Variants in EML1 observed in about 807,000 individuals in gnomAD.
EML1 encodes EMAP like 1, also known as echinoderm microtubule-associated protein-like 1.
Under a neutral mutation model 110.4 loss-of-function variants are expected in EML1, and 27 were observed. The observed-to-expected ratio is 0.24, with a 90% CI of 0.18 to 0.34. The LOEUF is 0.34. EML1 is among the 10% of genes least tolerant of loss of function. The pLI is 1.00. For synonymous variants in EML1, 344 were observed against 385.8 expected, an observed-to-expected ratio of 0.89 and a Z score of 1.27; for missense variants, 741 against 1,030.9, an observed-to-expected ratio of 0.72 and a Z score of 3.85.
intron 7 of EML1, 21 bp from the exon 8 acceptor site, chr14:99,898,212 T>A (rs1254875209): frequency 1.6e-5 from 25 of 1,569,860 alleles, no homozygotes; most frequent in Non-Finnish European, 2.2e-5. Flanking sequence ...TGTAGATGTT[T>A]TGTAAATATC....
chr14:99,751,871 T>C (rs983906404), intron 1 of EML1, among the ~76,000 whole-genome samples: 2 of 151,850 alleles, frequency 1.3e-5, no homozygotes, highest in African/African-American at 4.8e-5. Flanking sequence ...AGGATATTGG[T>C]ATTGACCCTG....
upstream of EML1, among the ~76,000 whole-genome samples, chr14:99,769,159 T>C (rs374909790): frequency 1.4e-3 from 207 of 152,336 alleles, 3 homozygotes; most frequent in African/African-American, 4.6e-3. Flanking sequence ...GAAGGCTCCC[T>C]GTCTGGTCCT....
intron 2 of EML1, among the ~76,000 whole-genome samples, chr14:99,857,104 T>A (rs1566901385): frequency 6.6e-6 from 1 of 152,042 alleles, no homozygotes; most frequent in African/African-American, 2.4e-5. Context: ...AAACCCCACC[T>A]CTACAAAAAA....
chr14:99,939,999 A>G lies in EML1; in HGVS notation c.2335A>G (p.Ile779Val). The G allele has an allele frequency of 6.3e-7, 1 of 1,591,056 alleles. No individual in the cohort carries two copies. The highest frequency in any genetic ancestry group is 2.3e-5 in the East Asian group (1 of 44,032). Residue 779 changes from isoleucine to valine, a missense_variant, in exon 22 of 22, where the codon ATC (isoleucine) becomes GTC (valine). Coordinates refer to ENST00000262233, the MANE Select transcript of EML1 (RefSeq NM_004434.3). The surrounding 1 kb of genome is among the most constrained non-coding windows in gnomAD (Gnocchi z 4.2). ...TCATTCCCTCCAGGCTCCAAGCCAC[A>G]TCTACGGCGGGCACAGCAGCCATGT... The part of the protein sequence containing the change: ...PCSQFRAPSH[I>V]YGGHSSHVTN...
rs192212280 is a variant in EML1, at chr14:99,797,462, T to C, written c.67+3919T>C. 5.3e-5 allele frequency among the ~76,000 whole-genome samples: 8 copies of C among 152,328 alleles called. No individual in the cohort carries two copies. In the East Asian group the frequency reaches 1.2e-3, roughly 22 times the overall value. ...TGTTTTCATTTCTCTTGGGCAGATA[T>C]CTAGGAGCAGAATTGCTAGGTCATA... On this transcript the variant is annotated intron_variant, in intron 1 of 21. Transcript: ENST00000262233.
intron 6 of EML1, among the ~76,000 whole-genome samples, chr14:99,896,386 A>G (rs1002844879): frequency 1.3e-5 from 2 of 151,958 alleles, no homozygotes; most frequent in Middle Eastern, 3.2e-3. Flanking sequence ...TTCAAATGTC[A>G]TAGGCATTTA....
At chr14:99,755,921 G>A (rs1001504415) in intron 1 of EML1, among the ~76,000 whole-genome samples, 6 of 152,142 alleles carry the variant, frequency 3.9e-5, no homozygotes, top group African/African-American at 1.4e-4. Context: ...CTACTTCACA[G>A]GCGAGGAACC....
intron 3 of EML1, among the ~76,000 whole-genome samples, chr14:99,875,403 A>T (rs1595415193): frequency 6.6e-6 from 1 of 152,220 alleles, no homozygotes; most frequent in African/African-American, 2.4e-5. Flanking sequence ...TATGCCTTAA[A>T]CGTTAACTGT....
intron 1 of EML1, among the ~76,000 whole-genome samples, chr14:99,742,149 C>T (rs764212917): frequency 3.4e-4 from 51 of 152,176 alleles, no homozygotes; most frequent in Non-Finnish European, 6.6e-4. Flanking sequence ...AAGGGCTGGG[C>T]CTGCCTGGGT....
At chr14:99,866,051 G>A (rs2139886095) in intron 3 of EML1, among the ~76,000 whole-genome samples, 1 of 152,302 alleles carries the variant, frequency 6.6e-6, no homozygotes, top group South Asian at 2.1e-4. Flanking sequence ...CTTTCAAAAT[G>A]TACCCAACAA....
intron 10 of EML1, 30 bp downstream of exon 10, chr14:99,907,763 T>C (rs1233847250): frequency 1.9e-6 from 3 of 1,611,062 alleles, no homozygotes; most frequent in Non-Finnish European, 2.5e-6. Flanking sequence ...TTGGGCTGCA[T>C]TAACATTTTC....
chr14:99,772,825 A>T (rs981685083), upstream of EML1: 3 of 152,210 alleles, frequency 2.0e-5, no homozygotes, highest in Non-Finnish European at 2.9e-5. Context: ...ATTTTATGAC[A>T]CATTAGTGGG....
intron 1 of EML1, among the ~76,000 whole-genome samples, chr14:99,777,003 C>CTT (rs1316574996): frequency 1.3e-5 from 2 of 152,160 alleles, no homozygotes; most frequent in Non-Finnish European, 2.9e-5. Flanking sequence ...GCACATACAG[C>CTT]TTTAACCTCC....
intron 1 of EML1, among the ~76,000 whole-genome samples, chr14:99,817,828 G>A (rs994290457): frequency 2.0e-5 from 3 of 152,156 alleles, no homozygotes; most frequent in Non-Finnish European, 2.9e-5. Context: ...AAACCTTCTC[G>A]TAAGTGCCAT....
rs368044152 is a variant in EML1, at chr14:99,796,936, T to TGTGAGAGA, written c.67+3394_67+3395insTGAGAGAG. Reference sequence around the variant, plus strand: ...GTGTGTGTGTGTGTGTGTGTGTGTGTGAGAGAGTAATAGCTTTATTGAAAT... The same window carrying TGTGAGAGA: ...GTGTGTGTGTGTGTGTGTGTGTGTGTGTGAGAGAGAGAGAGTAATAGCTTTATTGAAAT... On this transcript the variant is annotated intron_variant, in intron 1 of 21. Transcript: ENST00000262233. Among the ~76,000 whole-genome samples the TGTGAGAGA allele has an allele frequency of 4.4e-3, 654 of 150,130 alleles. 5 individuals are homozygous for TGTGAGAGA. The highest frequency in any genetic ancestry group is 0.025 in the South Asian group (119 of 4,718).
At position 99,940,728 on chromosome 14, in the gene EML1, C is replaced by T. The variant is rs2140146330; in HGVS notation, c.*616C>T. ...CTAAGCAGACTCTACTCCTAACTGA[C>T]TTCAATATTTCAGCAGGGTACACAG... On this transcript the variant is annotated 3_prime_UTR_variant, in exon 22 of 22. Transcript: ENST00000262233. 6.6e-6 allele frequency: 1 copy of T among 152,322 alleles called. No homozygotes were observed. Among genetic ancestry groups the T allele is most frequent in the East Asian group, 1.9e-4 (1 of 5,180 alleles). The allele number at this position is 152,322 out of a possible 1,614,324, so 9.4% of individuals were successfully genotyped here.
intron 1 of EML1, among the ~76,000 whole-genome samples, chr14:99,828,025 A>G (rs1327376545): frequency 6.6e-6 from 1 of 152,148 alleles, no homozygotes; most frequent in Non-Finnish European, 1.5e-5. Context: ...ATCTCAGGTC[A>G]TTTCATAGAT....
chr14:99,826,102 TTGA>T (rs2058347143), intron 1 of EML1, among the ~76,000 whole-genome samples: 1 of 146,454 alleles, frequency 6.8e-6, no homozygotes, highest in African/African-American at 2.6e-5. Flanking sequence ...CTTCTGTGCA[TTGA>T]TTTTTTTTTT....
At position 99,866,399 on chromosome 14, in the gene EML1, A is replaced by G. The variant is rs181563785; in HGVS notation, c.383+753A>G. 7.2e-5 allele frequency among the ~76,000 whole-genome samples: 11 copies of G among 152,224 alleles called. No homozygotes were observed. The East Asian group carries it at 2.1e-3, about 29-fold the overall frequency. ...CAGCCTGACCAACAGGCGAAGCCCT[A>G]TCTCTACTAAAAATACAAAAATTAT... is the stretch of plus-strand genomic sequence containing the variant. On this transcript the variant is annotated intron_variant, in intron 3 of 21. Coordinates refer to ENST00000262233, the MANE Select transcript of EML1 (RefSeq NM_004434.3).
Sources: gnomAD v4.1 joint callset for allele counts (sites outside exome capture counted in the v4.1 genomes callset) on GRCh38, gnomAD v4.1.1 for gene constraint, Gnocchi (gnomAD v3.1) non-coding constraint, MANE v1.5 for transcripts, NCBI Gene and HGNC (gene_info 2026-07-23, HGNC 2026-07-21) for gene names.